UMAD1: variants seen among roughly 807,000 people sequenced by gnomAD.
UMAD1 encodes the protein UBAP1-MVB12-associated (UMA) domain containing 1, also known as UBAP1-MVB12-associated (UMA)-domain containing protein 1.
Under a neutral mutation model 6.1 loss-of-function variants are expected in UMAD1, and 8 were observed. The observed-to-expected ratio is 1.30, with a 90% CI of 0.76 to 2.35. The LOEUF (loss-of-function observed/expected upper bound fraction) is 2.35. Ranked by LOEUF, UMAD1 falls within the 30% of genes most tolerant of loss-of-function variation. The pLI is 0.00. For synonymous variants in UMAD1, 56 were observed against 31.4 expected, an observed-to-expected ratio of 1.78 and a Z score of -2.61; for missense variants, 130 against 78.4, an observed-to-expected ratio of 1.66 and a Z score of -2.49.
intron 2 of UMAD1, among the ~76,000 whole-genome samples, chr7:7,779,886 C>T (rs571642485): frequency 3.9e-5 from 6 of 152,300 alleles, no homozygotes; most frequent in South Asian, 2.1e-4. Context: ...TCAAGCGATC[C>T]GCCAGCCTCT....
At chr7:7,756,706 G>T (rs1583802389) in intron 2 of UMAD1, among the ~76,000 whole-genome samples, 1 of 152,282 alleles carries the variant, frequency 6.6e-6, no homozygotes, top group African/African-American at 2.4e-5. Context: ...TTTCCCGTTT[G>T]GTTAGCACTT....
chr7:7,742,682 TA>T (rs1781495828), intron 2 of UMAD1: 1 of 241,706 alleles, frequency 4.1e-6, no homozygotes, highest in South Asian at 4.6e-5. Context: ...AAGAATAAAA[TA>T]AATATGAATA....
chr7:7,794,356 C>T (rs1214041845), intron 2 of UMAD1, among the ~76,000 whole-genome samples: 1 of 152,046 alleles, frequency 6.6e-6, no homozygotes, highest in Admixed American at 6.5e-5. Context: ...TCTTTATTGC[C>T]TATAAAGCTG....
chr7:7,704,149 A>G (rs1052319981), intron 2 of UMAD1, among the ~76,000 whole-genome samples: 9 of 152,190 alleles, frequency 5.9e-5, no homozygotes. Context: ...TGATAGTCTG[A>G]ATGCAGAAGA....
chr7:7,704,753 C>T (rs915071501), intron 2 of UMAD1, among the ~76,000 whole-genome samples: 6 of 109,504 alleles, frequency 5.5e-5, no homozygotes, highest in South Asian at 3.0e-4. Flanking sequence ...GGTGACAGAG[C>T]GAGACTCCAT....
At chr7:7,850,053 A>G (rs544152433) in intron 3 of UMAD1, among the ~76,000 whole-genome samples, 8 of 152,290 alleles carry the variant, frequency 5.3e-5, no homozygotes, top group African/African-American at 1.9e-4. Flanking sequence ...TGCCCAGTAT[A>G]AGTCTGTACA....
At chr7:7,847,163 A>G (rs1783820122) in intron 3 of UMAD1, among the ~76,000 whole-genome samples, 1 of 116,060 alleles carries the variant, frequency 8.6e-6, no homozygotes, top group Non-Finnish European at 1.7e-5. Flanking sequence ...ATTTGATCAT[A>G]ATAATTGTTT....
intron 2 of UMAD1, among the ~76,000 whole-genome samples, chr7:7,787,503 C>T (rs1347983139): frequency 6.6e-6 from 1 of 152,162 alleles, no homozygotes; most frequent in African/African-American, 2.4e-5. Context: ...GCATTGAATA[C>T]AATATGATAA....
intron 2 of UMAD1, among the ~76,000 whole-genome samples, chr7:7,759,790 G>A (rs770632496): frequency 6.6e-5 from 10 of 152,088 alleles, no homozygotes; most frequent in Non-Finnish European, 1.5e-4. Context: ...AAAGATATAC[G>A]AGGGGAAAAA....
intron 3 of UMAD1, among the ~76,000 whole-genome samples, chr7:7,813,447 G>T (rs559654980): frequency 6.6e-6 from 1 of 152,062 alleles, no homozygotes; most frequent in Non-Finnish European, 1.5e-5. Context: ...CTCATGATCC[G>T]CCTGCCTTGG....
intron 1 of UMAD1, among the ~76,000 whole-genome samples, chr7:7,643,265 T>A (rs1563076447): frequency 6.6e-6 from 1 of 152,196 alleles, no homozygotes; most frequent in East Asian, 1.9e-4. Flanking sequence ...AGTATGATCT[T>A]CCAGGTACAC....
chr7:7,784,948 G>A (rs1458283535), intron 2 of UMAD1, among the ~76,000 whole-genome samples: 4 of 151,956 alleles, frequency 2.6e-5, no homozygotes, highest in Non-Finnish European at 4.4e-5. Flanking sequence ...ATTTTTAGTA[G>A]AGACGGGGTT....
chr7:7,664,840 G>A (rs1487797321), intron 1 of UMAD1, among the ~76,000 whole-genome samples: 1 of 152,202 alleles, frequency 6.6e-6, no homozygotes, highest in African/African-American at 2.4e-5. Flanking sequence ...TCTCTGAGGA[G>A]AAATTAGTAA....
At chr7:7,877,111 A>G (rs1784432886) in intron 3 of UMAD1, among the ~76,000 whole-genome samples, 170 bp from the exon 4 acceptor site, 1 of 152,366 alleles carries the variant, frequency 6.6e-6, no homozygotes, top group South Asian at 2.1e-4. Flanking sequence ...AAAGCCTAAC[A>G]GAGATTTGGA....
At chr7:7,775,142 C>A (rs1042608796) in intron 2 of UMAD1, among the ~76,000 whole-genome samples, 3 of 152,166 alleles carry the variant, frequency 2.0e-5, no homozygotes, top group Non-Finnish European at 4.4e-5. Flanking sequence ...TTCATGCTTT[C>A]TTTTGGTCCA....
At chr7:7,692,775 A>G (rs531133638) in intron 2 of UMAD1, among the ~76,000 whole-genome samples, 1 of 152,052 alleles carries the variant, frequency 6.6e-6, no homozygotes, top group African/African-American at 2.4e-5. Context: ...ATGCCCAGCT[A>G]ATTTTCGTAT....
intron 2 of UMAD1, among the ~76,000 whole-genome samples, chr7:7,675,008 T>C (rs1190443664): frequency 6.6e-6 from 1 of 152,004 alleles, no homozygotes; most frequent in African/African-American, 2.4e-5. Context: ...TTATTATATA[T>C]GTATTTAAAA....
At chr7:7,766,966 T>C (rs986534964) in intron 2 of UMAD1, among the ~76,000 whole-genome samples, 1 of 152,192 alleles carries the variant, frequency 6.6e-6, no homozygotes, top group Non-Finnish European at 1.5e-5. Context: ...TTCTTGCCTA[T>C]TCTGCTTTCA....
intron 3 of UMAD1, among the ~76,000 whole-genome samples, chr7:7,804,342 G>A (rs369603085): frequency 1.5e-4 from 23 of 152,340 alleles, no homozygotes; most frequent in African/African-American, 4.6e-4. Flanking sequence ...TTGACAGTAA[G>A]CATCTAACAT....
Sources: allele counts gnomAD v4.1 joint callset (sites outside exome capture counted in the v4.1 genomes callset), GRCh38; gene constraint gnomAD v4.1.1; transcripts MANE v1.5; gene names NCBI Gene and HGNC (gene_info 2026-07-23, HGNC 2026-07-21).